Variants in POU6F2 observed in about 807,000 individuals in gnomAD.
The protein encoded by POU6F2 is POU class 6 homeobox 2, also known as POU domain, class 6, transcription factor 2.
In POU6F2, 31 loss-of-function variants were observed where a neutral mutation model predicts 71.3. The observed-to-expected ratio is 0.43, with a 90% CI of 0.33 to 0.59. The LOEUF (loss-of-function observed/expected upper bound fraction) is 0.59, where lower values mean the gene tolerates loss of function less well. POU6F2 is among the 20% of genes least tolerant of loss of function. POU6F2 has a pLI of 0.04. For synonymous variants in POU6F2, 347 were observed against 355.7 expected (o/e 0.98, Z 0.27); for missense variants, 783 against 856.8 (o/e 0.91, Z 1.07).
intron 1 of POU6F2, among the ~76,000 whole-genome samples, chr7:38,996,378 G>C (rs1788739858): frequency 6.6e-6 from 1 of 151,940 alleles, no homozygotes; most frequent in South Asian, 2.1e-4. Context: ...TCTACTCCCA[G>C]TTTTCTTACC....
intron 4 of POU6F2, among the ~76,000 whole-genome samples, chr7:39,211,962 A>C (rs1375983233): frequency 6.6e-6 from 1 of 151,960 alleles, no homozygotes; most frequent in Non-Finnish European, 1.5e-5. Flanking sequence ...CAATTCATGT[A>C]CCTGTCAGGA....
chr7:39,299,085 G>T (rs1784905235), intron 4 of POU6F2, among the ~76,000 whole-genome samples: 1 of 152,114 alleles, frequency 6.6e-6, no homozygotes, highest in Non-Finnish European at 1.5e-5. Flanking sequence ...ATGATGGGTT[G>T]ATAGGTGCAG....
chr7:39,011,041 C>T (rs972378053), intron 1 of POU6F2, among the ~76,000 whole-genome samples: 9 of 128,606 alleles, frequency 7.0e-5, no homozygotes, highest in South Asian at 3.1e-4. Flanking sequence ...CTATTAGGTC[C>T]GCTTGGTGCA....
chr7:39,071,654 AACACACACACACACACACACAC>A (rs10522287), intron 1 of POU6F2, among the ~76,000 whole-genome samples: 4 of 142,056 alleles, frequency 2.8e-5, no homozygotes, highest in Non-Finnish European at 4.6e-5. Context: ...TCTCTAAAGA[AACACACACACACACACACACAC>A]ACACACACAC....
intron 4 of POU6F2, among the ~76,000 whole-genome samples, chr7:39,225,971 G>GGTTT (rs1794454165): frequency 6.6e-6 from 1 of 151,070 alleles, no homozygotes; most frequent in African/African-American, 2.4e-5. Context: ...AAAAAAGGTT[G>GGTTT]TTTTTTTTTA....
chr7:39,076,020 T>A (rs183981152), intron 1 of POU6F2, among the ~76,000 whole-genome samples: 1 of 152,312 alleles, frequency 6.6e-6, no homozygotes, highest in Non-Finnish European at 1.5e-5. Context: ...TGGGTCAGTA[T>A]GTATGTGTGT....
intron 8 of POU6F2, among the ~76,000 whole-genome samples, chr7:39,456,257 A>G (rs1172546194): frequency 6.6e-6 from 1 of 152,074 alleles, no homozygotes. Context: ...AATGAACCCA[A>G]CCTCCCCAGA....
intron 1 of POU6F2, among the ~76,000 whole-genome samples, chr7:38,980,397 T>A (rs17171503): frequency 0.08 from 12,126 of 152,246 alleles, 617 homozygotes; most frequent in East Asian, 0.12. Flanking sequence ...AAAGTCTATA[T>A]TGAAACCATA....
chr7:39,397,814 GTATATATA>G (rs150006644), intron 5 of POU6F2, among the ~76,000 whole-genome samples: 2 of 128,448 alleles, frequency 1.6e-5, no homozygotes, highest in African/African-American at 6.5e-5. Context: ...TATATTTTGT[GTATATATA>G]TATATATATA....
chr7:39,164,692 A>G (rs1207169475), intron 2 of POU6F2, among the ~76,000 whole-genome samples: 1 of 151,980 alleles, frequency 6.6e-6, no homozygotes, highest in Non-Finnish European at 1.5e-5. Context: ...GGGGGAAGCC[A>G]GGGACAGAGC....
At chr7:39,367,289 G>T (rs1786519931) in intron 5 of POU6F2, among the ~76,000 whole-genome samples, 1 of 151,856 alleles carries the variant, frequency 6.6e-6, no homozygotes, top group Admixed American at 6.6e-5. Flanking sequence ...AATGATCTTG[G>T]GAAGCCATTT....
chr7:39,356,049 CT>C (rs1012672794), intron 5 of POU6F2, among the ~76,000 whole-genome samples: 6 of 152,184 alleles, frequency 3.9e-5, no homozygotes, highest in African/African-American at 1.4e-4. Flanking sequence ...ACTTTTCTCA[CT>C]TTTCCCACCT....
chr7:39,050,777 A>G (rs1041120595), intron 1 of POU6F2, among the ~76,000 whole-genome samples: 2 of 152,124 alleles, frequency 1.3e-5, no homozygotes, highest in Non-Finnish European at 2.9e-5. Context: ...ATGAAGAAAA[A>G]TCTGGGGGAC....
At chr7:38,985,639 T>C (rs1052413152) in intron 1 of POU6F2, among the ~76,000 whole-genome samples, 3 of 152,152 alleles carry the variant, frequency 2.0e-5, no homozygotes, top group Admixed American at 2.0e-4. Context: ...GATATAAGAA[T>C]GCCAAGTTTG....
At chr7:39,085,754 G>C in intron 1 of POU6F2, 106 bp from the exon 2 acceptor site, 1 of 1,108,980 alleles carries the variant, frequency 9.0e-7, no homozygotes, top group Admixed American at 2.0e-5. Flanking sequence ...GGGAGAGTGT[G>C]TGTGGAAGAG....
intron 1 of POU6F2, among the ~76,000 whole-genome samples, chr7:38,995,598 T>C (rs769277163): frequency 5.9e-5 from 9 of 152,202 alleles, no homozygotes; most frequent in Non-Finnish European, 1.3e-4. Context: ...CAATGAATAA[T>C]TTTTTATTAG....
intron 1 of POU6F2, among the ~76,000 whole-genome samples, chr7:38,999,365 G>A (rs141007505): frequency 6.6e-6 from 1 of 152,192 alleles, no homozygotes; most frequent in African/African-American, 2.4e-5. Flanking sequence ...AATGCACAGG[G>A]TTTTCATAAA....
chr7:38,996,057 T>TTTTA, intron 1 of POU6F2, among the ~76,000 whole-genome samples: 1 of 88,936 alleles, frequency 1.1e-5, no homozygotes, highest in Admixed American at 1.3e-4. Flanking sequence ...TTTTTTTTTT[T>TTTTA]AGACAGAATT....
intron 4 of POU6F2, among the ~76,000 whole-genome samples, chr7:39,299,788 C>G (rs1275896426): frequency 6.6e-6 from 1 of 152,162 alleles, no homozygotes. Flanking sequence ...GTCAAGGTCC[C>G]TCAGGCAGGA....
Sources: gnomAD v4.1 joint callset for allele counts (sites outside exome capture counted in the v4.1 genomes callset) on GRCh38, gnomAD v4.1.1 for gene constraint, MANE v1.5 for transcripts, NCBI Gene and HGNC (gene_info 2026-07-23, HGNC 2026-07-21) for gene names.